The following UTP20 variants were observed in gnomAD, a reference collection of about 807,000 sequenced individuals.
The protein encoded by UTP20 is UTP20 small subunit processome component, also known as small subunit processome component 20 homolog.
Under a neutral mutation model 329.5 loss-of-function variants are expected in UTP20, and 164 were observed. The ratio of observed to expected loss-of-function variants is 0.50; its 90% CI spans 0.44 to 0.57. The LOEUF (loss-of-function observed/expected upper bound fraction) is 0.57, where lower values mean the gene tolerates loss of function less well. Ranked by LOEUF, UTP20 falls within the 20% of genes least tolerant of loss-of-function variation. UTP20 has a pLI of 0.00. For missense variants in UTP20, 3,055 were observed against 3,284.2 expected (o/e 0.93, Z 1.71); for synonymous variants, 1,151 against 1,159.3 (o/e 0.99, Z 0.14).
chr12:101,374,881 G>T lies in UTP20; in HGVS notation c.7205G>T (p.Arg2402Ile), dbSNP rs770779908. Residue 2402 changes from arginine (R) to isoleucine (I), a missense_variant, in exon 55 of 62, where the codon AGA becomes ATA. Coordinates refer to ENST00000261637, the MANE Select transcript of UTP20 (RefSeq NM_014503.3). Reference protein sequence around the residue: ...VESEGVDFEKRLGTVLPVIEK... With the variant: ...VESEGVDFEKILGTVLPVIEK... Reference sequence around the variant, plus strand: ...AGTGAAGGAGTTGATTTTGAGAAAAGACTTGGAACTGTCCTTCCTGTGATT... The same window carrying T: ...AGTGAAGGAGTTGATTTTGAGAAAATACTTGGAACTGTCCTTCCTGTGATT... 1.2e-6 allele frequency: 2 copies of T among 1,601,772 alleles called. No individual in the cohort carries two copies. The highest frequency in any genetic ancestry group is 4.5e-5 in the East Asian group (2 of 44,786).
In UTP20 at chr12:101,373,674, A is replaced by G. The variant is rs1318733298; in HGVS notation, c.7038A>G (p.Ala2346=). ...ACTCTGCCACGTGCAAAAAGATGGC[A>G]TCCATGACAATCAAGTCCCTACTTG... ...NDDSATCKKM[A]SMTIKSLLGK... Residue 2346 remains alanine, a synonymous_variant, in exon 54 of 62, where the codon GCA becomes GCG. Transcript: ENST00000261637. 1.2e-6 allele frequency: 2 copies of G among 1,613,286 alleles called. No individual in the cohort carries two copies. Among genetic ancestry groups the G allele is most frequent in the Non-Finnish European group, 1.7e-6 (2 of 1,179,892 alleles).
intron 17 of UTP20, among the ~76,000 whole-genome samples, chr12:101,307,294 T>TACACACACACAC (rs35767250): frequency 1.4e-5 from 2 of 146,864 alleles, no homozygotes; most frequent in Admixed American, 6.7e-5. Context: ...ACTTTTTGAA[T>TACACACACACAC]ACACACACAC....
intron 15 of UTP20, among the ~76,000 whole-genome samples, chr12:101,304,946 C>T (rs543855196): frequency 6.6e-6 from 1 of 152,216 alleles, no homozygotes; most frequent in Non-Finnish European, 1.5e-5. Context: ...ACACCTCAGA[C>T]TGGCATTGCA....
At chr12:101,294,812 G>GGA (rs1872296266) in intron 11 of UTP20, among the ~76,000 whole-genome samples, 1 of 152,078 alleles carries the variant, frequency 6.6e-6, no homozygotes, top group East Asian at 1.9e-4. Context: ...CCAAAGTGTT[G>GGA]GGATTACAGG....
intron 21 of UTP20, among the ~76,000 whole-genome samples, chr12:101,317,218 A>G (rs933301361): frequency 2.0e-5 from 3 of 152,198 alleles, no homozygotes; most frequent in African/African-American, 7.2e-5. Flanking sequence ...ACTTAGTCCA[A>G]AATAGACATT....
rs751427978 is a variant in UTP20, at chr12:101,317,473, G to A, written c.2553-5G>A. ...CAGTATCCTGTGACTTTCTTTCCAC[G>A]GTAGCAATGAGTATTACCCAGCAGA... On this transcript the variant is annotated splice_polypyrimidine_tract_variant and splice_region_variant and intron_variant, in intron 21 of 61. Transcript: ENST00000261637. 9 of 1,613,150 alleles carry A rather than the reference G, an allele frequency of 5.6e-6. No individual in the cohort carries two copies. The highest frequency in any genetic ancestry group is 6.8e-6 in the Non-Finnish European group (8 of 1,179,536).
At chr12:101,331,051 G>T (rs1194538856) in intron 27 of UTP20, among the ~76,000 whole-genome samples, 2 of 152,166 alleles carry the variant, frequency 1.3e-5, no homozygotes, top group South Asian at 2.1e-4. Context: ...CTTGAAAATT[G>T]TTGGTTTTGA....
chr12:101,357,676 C>T (rs1869767565), intron 43 of UTP20, among the ~76,000 whole-genome samples: 1 of 152,142 alleles, frequency 6.6e-6, no homozygotes, highest in Admixed American at 6.6e-5. Flanking sequence ...ATTGCTTGAG[C>T]CTGGAAGGTC....
intron 2 of UTP20, among the ~76,000 whole-genome samples, chr12:101,282,273 C>CA (rs56701824): frequency 2.0e-5 from 3 of 151,834 alleles, no homozygotes; most frequent in South Asian, 2.1e-4. Flanking sequence ...TTAGGGGTGT[C>CA]AAAAAAACGG....
chr12:101,280,117 C>G lies in UTP20; in HGVS notation c.-166C>G. ...GTCCACGTGACCCACTCAGGCTCCT[C>G]CTTGTCTCCAACATGGCGGCGCCCA... On this transcript the variant is annotated 5_prime_UTR_variant, in exon 1 of 62. Transcript: ENST00000261637. 2 of 845,576 alleles carry G rather than the reference C, an allele frequency of 2.4e-6. No individual in the cohort carries two copies. 52.4% of individuals were successfully genotyped at this position (845,576 alleles called of 1,614,324 possible).
At chr12:101,328,140 A>T (rs964028571) in intron 26 of UTP20, among the ~76,000 whole-genome samples, 1 of 152,128 alleles carries the variant, frequency 6.6e-6, no homozygotes, top group Admixed American at 6.6e-5. Flanking sequence ...TATTTTTTCT[A>T]TGATAATAGG....
Position 101,363,723 on chromosome 12 carries a change from C to T in UTP20, c.5938C>T (p.Leu1980Phe). 1 of 1,607,156 alleles carries T rather than the reference C, an allele frequency of 6.2e-7. No homozygotes were observed. The highest frequency in any genetic ancestry group is 8.5e-7 in the Non-Finnish European group (1 of 1,173,734). ...TGTAGGAAAAGATCAGGTTACAAAA[C>T]TCATCCTTCCATTAAAAGAGGTAAG... is the stretch of plus-strand genomic sequence containing the variant. Reference protein sequence around the residue: ...KFVGKDQVTKLILPLKEILQN... With the variant: ...KFVGKDQVTKFILPLKEILQN... The change falls in exon 45 of 62, where the codon CTC becomes TTC. Residue 1980 changes from leucine to phenylalanine, a missense_variant. By Grantham distance (22) the Leu-to-Phe change is conservative. Around this residue, in one of 3 missense-constraint regions of UTP20, gnomAD observed 2,445 missense variants for 2,575.5 expected, o/e 0.95. Coordinates refer to ENST00000261637, the MANE Select transcript of UTP20 (RefSeq NM_014503.3).
At chr12:101,375,212 G>A (rs1870432505) in intron 55 of UTP20, among the ~76,000 whole-genome samples, 1 of 151,958 alleles carries the variant, frequency 6.6e-6, no homozygotes, top group African/African-American at 2.4e-5. Flanking sequence ...GAGGCAGGAG[G>A]ACCGTGCCAC....
In UTP20 at chr12:101,280,187, G is replaced by A; in HGVS notation, c.-96G>A. On this transcript the variant is annotated 5_prime_UTR_variant, in exon 1 of 62. Coordinates refer to ENST00000261637, the MANE Select transcript of UTP20 (RefSeq NM_014503.3). The stretch of plus-strand genomic sequence containing the variant: ...AGAAAGTCTGGGCATCTGGGAATCG[G>A]AGAGTATAGCCTGTGAGCCGCTTTC... 1 of 1,457,518 alleles carries A rather than the reference G, an allele frequency of 6.9e-7. No homozygotes were observed. The highest frequency in any genetic ancestry group is 1.3e-5 in the South Asian group (1 of 78,712). 90.3% of individuals were successfully genotyped at this position (1,457,518 alleles called of 1,614,324 possible).
intron 48 of UTP20, among the ~76,000 whole-genome samples, chr12:101,368,773 A>G (rs745424333): frequency 1.3e-5 from 2 of 152,218 alleles, no homozygotes; most frequent in Non-Finnish European, 2.9e-5. Flanking sequence ...GGGCCTAGGT[A>G]CAGATCTAGG....
chr12:101,385,094 C>T (rs1467047321), intron 60 of UTP20, among the ~76,000 whole-genome samples: 5 of 131,040 alleles, frequency 3.8e-5, no homozygotes, highest in East Asian at 3.9e-4. Context: ...GACACTCCCC[C>T]GCCAAAAAAA....
At chr12:101,317,332 A>C (rs185542582) in intron 21 of UTP20, 146 bp from the exon 22 acceptor site, 1 of 786,758 alleles carries the variant, frequency 1.3e-6, no homozygotes, top group East Asian at 2.7e-5. Context: ...GGAAAGAGTA[A>C]TATTGTGGAA....
chr12:101,335,828 T>C (rs1287783128), intron 29 of UTP20, among the ~76,000 whole-genome samples: 1 of 152,246 alleles, frequency 6.6e-6, no homozygotes, highest in Non-Finnish European at 1.5e-5. Context: ...ACTAATAGTA[T>C]GTTCTCTACA....
chr12:101,306,205 G>C, intron 16 of UTP20, 140 bp downstream of exon 16: 1 of 1,117,556 alleles, frequency 8.9e-7, no homozygotes, highest in Non-Finnish European at 1.2e-6. Context: ...TTAAATGTTG[G>C]CCTGCAAACC....
Sources: allele counts gnomAD v4.1 joint callset (sites outside exome capture counted in the v4.1 genomes callset), GRCh38; gene constraint gnomAD v4.1.1; regional missense constraint gnomAD v4.1.1; transcripts MANE v1.5; gene names NCBI Gene and HGNC (gene_info 2026-07-23, HGNC 2026-07-21).